Variants in PAPPA observed in about 807,000 individuals in gnomAD.
PAPPA encodes pappalysin-1.
Under a neutral mutation model 164.0 loss-of-function variants are expected in PAPPA, and 60 were observed. That is an observed-to-expected ratio of 0.37 (90% CI 0.30 to 0.45). The LOEUF is 0.45. Ranked by LOEUF, PAPPA falls within the 20% of genes least tolerant of loss-of-function variation. PAPPA has a pLI of 1.00. For synonymous variants in PAPPA, 875 were observed against 814.1 expected (o/e 1.07, Z -1.27); for missense variants, 1,782 against 2,087.3 (o/e 0.85, Z 2.85).
At chr9:116,308,512 G>A (rs1587997150) in intron 10 of PAPPA, among the ~76,000 whole-genome samples, 1 of 152,212 alleles carries the variant, frequency 6.6e-6, no homozygotes, top group East Asian at 1.9e-4. Flanking sequence ...TCAGAGAGCA[G>A]AGTAACTTGC....
chr9:116,350,349 T>C (rs1349588948), intron 15 of PAPPA, among the ~76,000 whole-genome samples: 1 of 152,194 alleles, frequency 6.6e-6, no homozygotes, highest in Non-Finnish European at 1.5e-5. Context: ...TGGCTACAGC[T>C]GGTGCACAGA....
chr9:116,386,673 G>A (rs1246646361), intron 21 of PAPPA, among the ~76,000 whole-genome samples: 2 of 152,100 alleles, frequency 1.3e-5, no homozygotes, highest in African/African-American at 4.8e-5. Context: ...AAGCATGCAG[G>A]GTGCCTGTGT....
chr9:116,326,122 G>A (rs1238468723), intron 10 of PAPPA, among the ~76,000 whole-genome samples: 1 of 152,130 alleles, frequency 6.6e-6, no homozygotes, highest in Non-Finnish European at 1.5e-5. Flanking sequence ...ATGGAAATGA[G>A]CTGTATGTCC....
At chr9:116,204,907 A>T (rs1262360315) in intron 2 of PAPPA, among the ~76,000 whole-genome samples, 2 of 152,080 alleles carry the variant, frequency 1.3e-5, no homozygotes, top group East Asian at 1.9e-4. Flanking sequence ...AAAAAAAAAA[A>T]TCCTTTCAAG....
chr9:116,186,801 T>G (rs1240117980), intron 1 of PAPPA, among the ~76,000 whole-genome samples: 1 of 152,202 alleles, frequency 6.6e-6, no homozygotes, highest in Non-Finnish European at 1.5e-5. Flanking sequence ...AGATTTTTAT[T>G]ATTATTGCTG....
At chr9:116,306,860 G>A (rs1845653293) in intron 10 of PAPPA, among the ~76,000 whole-genome samples, 1 of 152,120 alleles carries the variant, frequency 6.6e-6, no homozygotes, top group Non-Finnish European at 1.5e-5. Context: ...TCCCTCCTTT[G>A]CAGTGGCCTG....
Position 116,187,806 on chromosome 9 carries a change from C to A in PAPPA, c.1068C>A (p.Arg356=), listed in dbSNP as rs780215053. ...GCCAGCCCAAGGTGGTGCGCTACCG[C>A]GTGGTCAACCTCTATGAAGATGATC... ...SFRQPKVVRY[R]VVNLYEDDHK... is the part of the protein sequence containing the mutation. The change falls in exon 2 of 22, where the codon CGC becomes CGA. Residue 356 remains arginine, a synonymous_variant. Coordinates refer to ENST00000328252, the MANE Select transcript of PAPPA (RefSeq NM_002581.5). The surrounding 1 kb of genome is among the most constrained non-coding windows in gnomAD (Gnocchi z 4.2). 1.2e-6 allele frequency: 2 copies of A among 1,614,236 alleles called. No homozygotes were observed. Among genetic ancestry groups the A allele is most frequent in the Admixed American group, 1.7e-5 (1 of 60,030 alleles).
chr9:116,328,482 G>T (rs1845948281), intron 10 of PAPPA, among the ~76,000 whole-genome samples: 1 of 152,190 alleles, frequency 6.6e-6, no homozygotes, highest in South Asian at 2.1e-4. Context: ...AATGGGATAG[G>T]AGATTCATGG....
intron 13 of PAPPA, among the ~76,000 whole-genome samples, chr9:116,340,293 A>G (rs1178887461): frequency 6.6e-6 from 1 of 152,128 alleles, no homozygotes; most frequent in Non-Finnish European, 1.5e-5. Flanking sequence ...GTTATTTGAG[A>G]CGGTCAGTTA....
chr9:116,228,883 G>T (rs1452158162), intron 6 of PAPPA, among the ~76,000 whole-genome samples: 1 of 151,734 alleles, frequency 6.6e-6, no homozygotes, highest in African/African-American at 2.4e-5. Context: ...ACCCACTTTG[G>T]GTTGTCACAG....
At chr9:116,288,064 A>G (rs1845363034) in intron 9 of PAPPA, among the ~76,000 whole-genome samples, 1 of 152,180 alleles carries the variant, frequency 6.6e-6, no homozygotes, top group South Asian at 2.1e-4. Flanking sequence ...AAATGTTCCC[A>G]GTTAACTCTT....
At chr9:116,359,178 C>G (rs1272835253) in intron 17 of PAPPA, among the ~76,000 whole-genome samples, 2 of 152,190 alleles carry the variant, frequency 1.3e-5, no homozygotes, top group Non-Finnish European at 2.9e-5. Context: ...TGAAAACTCA[C>G]TTTTTCACTT....
At chr9:116,341,600 T>G (rs1846138677) in intron 13 of PAPPA, among the ~76,000 whole-genome samples, 1 of 152,170 alleles carries the variant, frequency 6.6e-6, no homozygotes, top group East Asian at 1.9e-4. Context: ...GCATGCATCA[T>G]TATCTGAAAT....
intron 10 of PAPPA, among the ~76,000 whole-genome samples, chr9:116,327,977 T>C (rs1275515705): frequency 1.3e-5 from 2 of 152,238 alleles, no homozygotes; most frequent in Non-Finnish European, 2.9e-5. Flanking sequence ...CAAAACAAAA[T>C]AGGAAAACAG....
chr9:116,304,592 G>T (rs979888325), intron 10 of PAPPA, among the ~76,000 whole-genome samples: 15 of 152,168 alleles, frequency 9.9e-5, no homozygotes, highest in African/African-American at 3.6e-4. Flanking sequence ...AAATGTTATT[G>T]CGACTAATGT....
chr9:116,309,575 G>A (rs1845690316), intron 10 of PAPPA, among the ~76,000 whole-genome samples: 1 of 152,154 alleles, frequency 6.6e-6, no homozygotes, highest in Admixed American at 6.5e-5. Context: ...CTGAGAGGAG[G>A]TCAGGGAGAA....
intron 2 of PAPPA, among the ~76,000 whole-genome samples, chr9:116,194,513 G>A (rs1393041446): frequency 1.3e-5 from 2 of 152,178 alleles, no homozygotes; most frequent in Admixed American, 1.3e-4. Context: ...AGTCAGGTCT[G>A]GTGTAGTGGA....
chr9:116,252,620 G>A (rs545273507), intron 7 of PAPPA, among the ~76,000 whole-genome samples: 10 of 152,328 alleles, frequency 6.6e-5, no homozygotes, highest in African/African-American at 1.9e-4. Flanking sequence ...GCACATCTAA[G>A]TTCTGACTTC....
At position 116,236,400 on chromosome 9, in the gene PAPPA, C is replaced by T. The variant is rs59317324; in HGVS notation, c.2732+763C>T. ...AGGAGTTTAAGACCAGCCTGGCTAACATGGTGAAACCCCGTCTCTACTAAT... is the reference window on the plus strand; with the variant it reads ...AGGAGTTTAAGACCAGCCTGGCTAATATGGTGAAACCCCGTCTCTACTAAT... On this transcript the variant is annotated intron_variant, in intron 7 of 21. Transcript: ENST00000328252. Among the ~76,000 whole-genome samples the T allele has an allele frequency of 5.0e-3, 757 of 152,056 alleles. 5 individuals are homozygous for T. The highest frequency in any genetic ancestry group is 0.017 in the African/African-American group (695 of 41,454).
Sources: gnomAD v4.1 joint callset for allele counts (sites outside exome capture counted in the v4.1 genomes callset) on GRCh38, gnomAD v4.1.1 for gene constraint, Gnocchi (gnomAD v3.1) non-coding constraint, MANE v1.5 for transcripts, NCBI Gene and HGNC (gene_info 2026-07-23, HGNC 2026-07-21) for gene names.